MN1: variants seen among roughly 807,000 people sequenced by gnomAD.
The protein encoded by MN1 is MN1 proto-oncogene, transcriptional regulator, also known as transcriptional activator MN1.
Under a neutral mutation model 86.9 loss-of-function variants are expected in MN1, and 19 were observed. That is an observed-to-expected ratio of 0.22 (90% CI 0.15 to 0.32). The LOEUF (loss-of-function observed/expected upper bound fraction) is 0.32. Among genes scored for constraint, MN1 ranks in the 10% least tolerant of loss-of-function variants. The pLI is 1.00. For synonymous variants in MN1, 928 were observed against 849.6 expected (o/e 1.09, Z -1.60); for missense variants, 1,841 against 1,862.0 (o/e 0.99, Z 0.21).
intron 1 of MN1, among the ~76,000 whole-genome samples, chr22:27,765,181 T>G (rs185754433): frequency 1.3e-4 from 20 of 152,142 alleles, no homozygotes; most frequent in Admixed American, 1.1e-3. Context: ...CTCAGAGAGG[T>G]GATGTCACTT....
chr22:27,798,624 T>A lies in MN1; in HGVS notation c.1920A>T (p.Gly640=). 6.4e-7 allele frequency: 1 copy of A among 1,562,084 alleles called. No individual in the cohort carries two copies. Among genetic ancestry groups the A allele is most frequent in the South Asian group, 1.2e-5 (1 of 85,836 alleles). Reference sequence around the variant, plus strand: ...CGCCCATCCTACGGGGCAGCAGGTCTCCGGGCGGCGGATGCGGACCTGAGA... The same window carrying A: ...CGCCCATCCTACGGGGCAGCAGGTCACCGGGCGGCGGATGCGGACCTGAGA... ...AWFSGPHPPP[G]DLLPRRMGGS... Residue 640 remains glycine, a synonymous_variant, in exon 1 of 2, where the codon GGA becomes GGT. Transcript: ENST00000302326.
chr22:27,754,776 C>T (rs756293141), intron 1 of MN1, among the ~76,000 whole-genome samples: 1 of 152,182 alleles, frequency 6.6e-6, no homozygotes, highest in Non-Finnish European at 1.5e-5. Context: ...CCAGCCCCCA[C>T]GCCAGGACCC....
At chr22:27,796,041 G>A (rs538377867) in intron 1 of MN1, among the ~76,000 whole-genome samples, 8 of 152,008 alleles carry the variant, frequency 5.3e-5, no homozygotes, top group African/African-American at 1.2e-4. Flanking sequence ...TGTCCAAGCC[G>A]ACCCCACCCC....
At chr22:27,775,786 C>T (rs550889581) in intron 1 of MN1, among the ~76,000 whole-genome samples, 26 of 152,350 alleles carry the variant, frequency 1.7e-4, no homozygotes, top group African/African-American at 6.3e-4. Context: ...TCCTTGAACC[C>T]AGAGGCAGGG....
At chr22:27,753,601 C>G (rs1282583406) in intron 1 of MN1, among the ~76,000 whole-genome samples, 1 of 152,204 alleles carries the variant, frequency 6.6e-6, no homozygotes, top group Non-Finnish European at 1.5e-5. Flanking sequence ...GAAACAGGAG[C>G]CTTTGCCCCA....
At position 27,750,326 on chromosome 22, in the gene MN1, CCTGA is replaced by C. The variant is rs886109044; in HGVS notation, c.*585_*588del. ...AGGGGCATTCATTGTTTGGCTCCTG[CCTGA>C]CTGATGACACTGGGGTGTCAATATA... is the stretch of plus-strand genomic sequence containing the variant. On this transcript the variant is annotated 3_prime_UTR_variant, in exon 2 of 2. Coordinates refer to ENST00000302326, the MANE Select transcript of MN1 (RefSeq NM_002430.3). The C allele has an allele frequency of 1.4e-4, 33 of 231,052 alleles. No homozygotes were observed. In the Admixed American group the frequency reaches 1.6e-3, roughly 11 times the overall value. The allele number at this position is 231,052 out of a possible 1,614,324, so 14.3% of individuals were successfully genotyped here.
At chr22:27,783,245 C>T (rs527251285) in intron 1 of MN1, among the ~76,000 whole-genome samples, 2 of 152,064 alleles carry the variant, frequency 1.3e-5, no homozygotes, top group South Asian at 4.2e-4. Context: ...AGCAATTCTC[C>T]TGCCTCAGCC....
At position 27,750,898 on chromosome 22, in the gene MN1, G is replaced by A. The variant is rs376684410; in HGVS notation, c.*17C>T. The A allele has an allele frequency of 1.3e-5, 20 of 1,565,460 alleles. No individual in the cohort carries two copies. The African/African-American group carries it at 1.8e-4, about 14-fold the overall frequency. ...GGAGAGGAAGGGCCTGGTAGAGGAG[G>A]GGATCTTTCTTGTCATTCAAGTTAG... On this transcript the variant is annotated 3_prime_UTR_variant, in exon 2 of 2. Coordinates refer to ENST00000302326, the MANE Select transcript of MN1 (RefSeq NM_002430.3).
chr22:27,790,430 T>C (rs921890754), intron 1 of MN1, among the ~76,000 whole-genome samples: 1 of 152,052 alleles, frequency 6.6e-6, no homozygotes, highest in Non-Finnish European at 1.5e-5. Flanking sequence ...TCGGGCACAA[T>C]GTGCCAGGAT....
rs760696011 is a variant in MN1, at chr22:27,797,723, G to T, written c.2821C>A (p.Arg941=). ...TCCCTTTTTCTGCGACCCCGTCCCC[G>T]GCCGCCGCCCCCGGAGACCGGCTTG... ...DGKPVSGGGG[R]GRGRRKRDSG... Residue 941 remains arginine, a synonymous_variant, in exon 1 of 2, where the codon CGG becomes AGG. Transcript: ENST00000302326. 1.2e-6 allele frequency: 2 copies of T among 1,611,560 alleles called. No homozygotes were observed. Among genetic ancestry groups the T allele is most frequent in the Non-Finnish European group, 1.7e-6 (2 of 1,179,456 alleles).
At chr22:27,777,620 A>G (rs1461576695) in intron 1 of MN1, among the ~76,000 whole-genome samples, 1 of 151,986 alleles carries the variant, frequency 6.6e-6, no homozygotes, top group African/African-American at 2.4e-5. Flanking sequence ...GCACTTTGGA[A>G]GGCCAAGGTG....
At chr22:27,787,380 A>G (rs546688067) in intron 1 of MN1, among the ~76,000 whole-genome samples, 2 of 152,360 alleles carry the variant, frequency 1.3e-5, no homozygotes, top group Admixed American at 6.5e-5. Context: ...CTGCAAAAGC[A>G]TTAAGGGCTT....
chr22:27,784,344 G>A (rs1159318649), intron 1 of MN1, among the ~76,000 whole-genome samples: 3 of 152,112 alleles, frequency 2.0e-5, no homozygotes, highest in Non-Finnish European at 2.9e-5. Context: ...CAAAATGTGG[G>A]CAAACCCAGC....
rs1441312968 is a variant in MN1 at position 27,773,084 on chromosome 22, G to A, written c.3782-21988C>T. Reference sequence around the variant, plus strand: ...GCCCCGAACAGGCCGGGAAGCCCAGGCCGCCCCTCCCCAGACTCCCATCCC... The same window carrying A: ...GCCCCGAACAGGCCGGGAAGCCCAGACCGCCCCTCCCCAGACTCCCATCCC... On this transcript the variant is annotated intron_variant, in intron 1 of 1. Coordinates refer to ENST00000302326, the MANE Select transcript of MN1 (RefSeq NM_002430.3). Among the ~76,000 whole-genome samples, 9 of 151,860 alleles carry A rather than the reference G, an allele frequency of 5.9e-5. No individual in the cohort carries two copies. In the East Asian group the frequency reaches 1.6e-3, roughly 26 times the overall value.
intron 1 of MN1, among the ~76,000 whole-genome samples, chr22:27,788,890 C>A (rs886939791): frequency 1.3e-5 from 2 of 152,126 alleles, no homozygotes; most frequent in Non-Finnish European, 2.9e-5. Flanking sequence ...CAGAAAGACC[C>A]CCCCAGACGG....
Position 27,799,477 on chromosome 22 carries a change from G to T in MN1, c.1067C>A (p.Pro356Gln). The T allele has an allele frequency of 6.9e-7, 1 of 1,453,944 alleles. No homozygotes were observed. Among genetic ancestry groups the T allele is most frequent in the Non-Finnish European group, 9.1e-7 (1 of 1,104,840 alleles). The allele number at this position is 1,453,944 out of a possible 1,614,324, so 90.1% of individuals were successfully genotyped here. The change falls in exon 1 of 2, where the codon CCG becomes CAG. Residue 356 changes from proline to glutamine, a missense_variant. Transcript: ENST00000302326. ...PPPQQQPPQQ[P>Q]PQQQPPPPPG... ...TGGCGGCGGCGGCTGCTGCTGTGGC[G>T]GCTGCTGCGGGGGCTGCTGCTGAGG...
intron 1 of MN1, among the ~76,000 whole-genome samples, chr22:27,763,070 G>T (rs533198510): frequency 6.6e-6 from 1 of 152,108 alleles, no homozygotes; most frequent in Non-Finnish European, 1.5e-5. Flanking sequence ...ACTCTGGCCC[G>T]GGTGACAGAG....
In MN1 at chr22:27,799,738, G is replaced by T; in HGVS notation, c.806C>A (p.Ala269Asp). The change falls in exon 1 of 2, where the codon GCT becomes GAT. Residue 269 changes from alanine to aspartate, a missense_variant. By Grantham distance (126) the Ala-to-Asp change is moderately radical. Coordinates refer to ENST00000302326, the MANE Select transcript of MN1 (RefSeq NM_002430.3). ...GGGCATGGCCGAGGCGCCCGGGAAA[G>T]CGCCCCCAGGAACCTGGCGACCCGC... The part of the protein sequence containing the change: ...YAAGRQVPGG[A>D]FPGASAMPRA... The T allele has an allele frequency of 6.3e-7, 1 of 1,581,882 alleles. No individual in the cohort carries two copies.
Position 27,799,089 on chromosome 22 carries a change from G to A in MN1, c.1455C>T (p.His485=), listed in dbSNP as rs1933377373. The A allele has an allele frequency of 1.2e-6, 2 of 1,606,862 alleles. No homozygotes were observed. The highest frequency in any genetic ancestry group is 1.7e-5 in the Admixed American group (1 of 59,800). The change falls in exon 1 of 2, where the codon CAC becomes CAT. Residue 485 remains histidine (H), a synonymous_variant. Coordinates refer to ENST00000302326, the MANE Select transcript of MN1 (RefSeq NM_002430.3). The stretch of plus-strand genomic sequence containing the variant: ...GGCCTGGGTAGGCGGAAGGGGAGAG[G>A]TGATTATCCAGAGCGCCGTTGTGCA... ...GSMHNGALDN[H]LSPSAYPGLP...
Sources: allele counts gnomAD v4.1 joint callset (sites outside exome capture counted in the v4.1 genomes callset), GRCh38; gene constraint gnomAD v4.1.1; transcripts MANE v1.5; gene names NCBI Gene and HGNC (gene_info 2026-07-23, HGNC 2026-07-21).